LIN28B: variants seen among roughly 807,000 people sequenced by gnomAD.
LIN28B encodes the protein protein lin-28 homolog B.
Under a neutral mutation model 21.9 loss-of-function variants are expected in LIN28B, and 5 were observed. The ratio of observed to expected loss-of-function variants is 0.23; its 90% CI spans 0.12 to 0.48. The LOEUF is 0.48. Among genes scored for constraint, LIN28B ranks in the 20% least tolerant of loss-of-function variants. LIN28B has a pLI of 0.98. For synonymous variants in LIN28B, 109 were observed against 111.3 expected (o/e 0.98, Z 0.13); for missense variants, 245 against 310.5 (o/e 0.79, Z 1.58).
chr6:105,024,888 T>C (rs932921979), intron 2 of LIN28B, among the ~76,000 whole-genome samples: 8 of 152,178 alleles, frequency 5.3e-5, no homozygotes, highest in African/African-American at 1.9e-4. Context: ...TCGTCATCTG[T>C]ACTTAAAGAA....
intron 2 of LIN28B, chr6:104,941,517 G>A (rs1339012119): frequency 6.7e-6 from 1 of 150,250 alleles, no homozygotes; most frequent in Non-Finnish European, 1.5e-5. Context: ...GCGCAGGCTG[G>A]GGTCCCGGCG....
chr6:105,036,300 CTA>C (rs1447529215), intron 3 of LIN28B, among the ~76,000 whole-genome samples: 3 of 152,136 alleles, frequency 2.0e-5, no homozygotes, highest in Non-Finnish European at 2.9e-5. Flanking sequence ...AATAACTAAA[CTA>C]TTGCATCCAA....
intron 2 of LIN28B, among the ~76,000 whole-genome samples, chr6:104,989,896 G>A (rs1163347523): frequency 3.3e-5 from 5 of 152,062 alleles, no homozygotes; most frequent in Admixed American, 6.6e-5. Flanking sequence ...TGCCCAGCCA[G>A]TGAAATGAAA....
chr6:104,993,468 AAAAAC>A (rs1375777962), intron 2 of LIN28B, among the ~76,000 whole-genome samples: 1 of 152,156 alleles, frequency 6.6e-6, no homozygotes, highest in East Asian at 1.9e-4. Context: ...CCTTTCTCAA[AAAAAC>A]AAAACAAAAC....
At chr6:104,975,200 T>C (rs993274487) in intron 2 of LIN28B, among the ~76,000 whole-genome samples, 1 of 152,168 alleles carries the variant, frequency 6.6e-6, no homozygotes, top group African/African-American at 2.4e-5. Context: ...TAAGGTAATA[T>C]AAAAATTGAT....
At chr6:104,957,358 C>T (rs1778305803) in intron 1 of LIN28B, 98 bp downstream of exon 1, 1 of 726,406 alleles carries the variant, frequency 1.4e-6, no homozygotes, top group South Asian at 1.8e-5. Context: ...CCCCCTTCCC[C>T]TTTTACCCCA....
rs1562112388 is a variant in LIN28B, at chr6:105,065,747, T to G, written c.384-12667T>G. Among the ~76,000 whole-genome samples the G allele has an allele frequency of 3.9e-5, 6 of 152,374 alleles. No homozygotes were observed. In the South Asian group the frequency reaches 1.2e-3, roughly 32 times the overall value. ...ATTTGTACTGAGAACACATTTTGGT[T>G]AAATCATACCAGGCACTGTGTTCTA... On this transcript the variant is annotated intron_variant, in intron 3 of 3. Transcript: ENST00000345080.
intron 2 of LIN28B, among the ~76,000 whole-genome samples, chr6:104,990,328 TAGTC>T (rs1770434730): frequency 1.3e-5 from 2 of 151,906 alleles, no homozygotes; most frequent in South Asian, 4.2e-4. Flanking sequence ...TTAAGCTAGT[TAGTC>T]ATATTCAAAT....
At chr6:105,036,382 CTTCTGTATTTTTAA>C (rs1436703044) in intron 3 of LIN28B, among the ~76,000 whole-genome samples, 2 of 152,136 alleles carry the variant, frequency 1.3e-5, no homozygotes. Flanking sequence ...CTTCTTAATT[CTTCTGTATTTTTAA>C]TTCTATCCCA....
At chr6:104,976,854 T>C (rs540566218) in intron 2 of LIN28B, among the ~76,000 whole-genome samples, 1 of 152,350 alleles carries the variant, frequency 6.6e-6, no homozygotes, top group Non-Finnish European at 1.5e-5. Flanking sequence ...TGGGACCAGC[T>C]TGTAGCAGGC....
chr6:104,948,044 G>T (rs1778177696), intron 2 of LIN28B, among the ~76,000 whole-genome samples: 2 of 152,118 alleles, frequency 1.3e-5, no homozygotes, highest in African/African-American at 4.8e-5. Context: ...TCTAAGTAGA[G>T]ATCTAAATGA....
At chr6:104,956,939 C>A, upstream of LIN28B, 2 of 480,490 alleles carry the variant, frequency 4.2e-6, no homozygotes, top group Non-Finnish European at 6.7e-6. Flanking sequence ...TTTTCGTGTT[C>A]ATTCATAAAT....
intron 2 of LIN28B, among the ~76,000 whole-genome samples, chr6:105,003,151 G>T (rs1770750176): frequency 6.6e-6 from 1 of 152,140 alleles, no homozygotes; most frequent in Admixed American, 6.5e-5. Context: ...CTATGGTTTT[G>T]AATGGAAAAG....
chr6:105,019,435 T>G (rs1189350127), intron 2 of LIN28B, among the ~76,000 whole-genome samples: 7 of 152,212 alleles, frequency 4.6e-5, no homozygotes, highest in African/African-American at 1.4e-4. Context: ...CCTGGATATT[T>G]CCTTCAGTCT....
intron 3 of LIN28B, among the ~76,000 whole-genome samples, chr6:105,043,356 A>G (rs537110047): frequency 8.8e-6 from 1 of 113,128 alleles, no homozygotes; most frequent in Non-Finnish European, 2.1e-5. Flanking sequence ...AAAAAAAAAA[A>G]AAAAAAAAAA....
chr6:105,029,313 T>G (rs1771367600), intron 3 of LIN28B, among the ~76,000 whole-genome samples: 1 of 152,158 alleles, frequency 6.6e-6, no homozygotes, highest in Admixed American at 6.6e-5. Context: ...AAAGGAAAGA[T>G]TGAACATGCA....
intron 3 of LIN28B, among the ~76,000 whole-genome samples, chr6:105,077,107 G>A (rs556536455): frequency 4.3e-4 from 66 of 152,002 alleles, no homozygotes; most frequent in African/African-American, 1.5e-3. Flanking sequence ...GCACATGCCT[G>A]TAATCCTAGC....
chr6:105,003,125 G>A (rs367936126), intron 2 of LIN28B, among the ~76,000 whole-genome samples: 17 of 152,198 alleles, frequency 1.1e-4, no homozygotes, highest in South Asian at 4.2e-4. Flanking sequence ...CCATAGGTAC[G>A]ACTTTTATAA....
intron 3 of LIN28B, among the ~76,000 whole-genome samples, chr6:105,057,732 ACT>A (rs575325849): frequency 2.3e-3 from 344 of 152,258 alleles, no homozygotes; most frequent in African/African-American, 7.4e-3. Context: ...ACTATAAATT[ACT>A]TTTTTCTATA....
Sources: allele counts gnomAD v4.1 joint callset (sites outside exome capture counted in the v4.1 genomes callset), GRCh38; gene constraint gnomAD v4.1.1; transcripts MANE v1.5; gene names NCBI Gene and HGNC (gene_info 2026-07-23, HGNC 2026-07-21).